Variants in PLCB1 observed in about 807,000 individuals in gnomAD.
PLCB1 encodes 1-phosphatidylinositol 4,5-bisphosphate phosphodiesterase beta-1.
In PLCB1, 46 loss-of-function variants were observed where a neutral mutation model predicts 161.8. That is an observed-to-expected ratio of 0.28 (90% CI 0.22 to 0.36). The LOEUF (loss-of-function observed/expected upper bound fraction) is 0.36, where lower values mean the gene tolerates loss of function less well. PLCB1 is among the 10% of genes least tolerant of loss of function. PLCB1 has a pLI of 1.00. For synonymous variants in PLCB1, 517 were observed against 503.7 expected (o/e 1.03, Z -0.35); for missense variants, 1,016 against 1,472.5 (o/e 0.69, Z 5.07).
At chr20:8,730,539 A>G (rs1006440267) in intron 18 of PLCB1, among the ~76,000 whole-genome samples, 2 of 151,708 alleles carry the variant, frequency 1.3e-5, no homozygotes, top group African/African-American at 4.8e-5. Flanking sequence ...CTCCTTTACT[A>G]CTATTAATTT....
intron 3 of PLCB1, among the ~76,000 whole-genome samples, chr20:8,427,130 C>T (rs572977401): frequency 1.3e-5 from 2 of 152,170 alleles, no homozygotes; most frequent in East Asian, 1.9e-4. Context: ...GGGCTGGTCT[C>T]GAACTGCTGA....
chr20:8,604,271 A>T (rs1987693279), intron 3 of PLCB1, among the ~76,000 whole-genome samples: 1 of 151,386 alleles, frequency 6.6e-6, no homozygotes, highest in Admixed American at 6.6e-5. Context: ...AAAAAAAAAA[A>T]AAAAAAAGGT....
chr20:8,193,345 T>C (rs2123112200), intron 2 of PLCB1, among the ~76,000 whole-genome samples: 1 of 151,444 alleles, frequency 6.6e-6, no homozygotes, highest in Non-Finnish European at 1.5e-5. Flanking sequence ...TATTTGAAAA[T>C]GGAAACTGGT....
intron 2 of PLCB1, among the ~76,000 whole-genome samples, chr20:8,157,647 A>AC (rs1305859881): frequency 6.6e-6 from 1 of 152,212 alleles, no homozygotes; most frequent in Non-Finnish European, 1.5e-5. Context: ...TTATGTAGAC[A>AC]CAACATACAA....
intron 2 of PLCB1, among the ~76,000 whole-genome samples, chr20:8,273,615 A>G (rs1027649545): frequency 2.0e-5 from 3 of 152,150 alleles, no homozygotes; most frequent in African/African-American, 7.2e-5. Context: ...GAACTGATAT[A>G]AAGAACTGCC....
chr20:8,663,183 A>G (rs1329833925), intron 9 of PLCB1, among the ~76,000 whole-genome samples: 1 of 151,750 alleles, frequency 6.6e-6, no homozygotes, highest in Non-Finnish European at 1.5e-5. Flanking sequence ...AAACATATAT[A>G]TAACATATAT....
intron 9 of PLCB1, among the ~76,000 whole-genome samples, chr20:8,666,591 G>A (rs928715018): frequency 1.3e-5 from 2 of 152,164 alleles, no homozygotes; most frequent in Admixed American, 6.5e-5. Flanking sequence ...ATTAGAAGAG[G>A]CAGTTTGCAG....
At chr20:8,231,582 T>C (rs1162990760) in intron 2 of PLCB1, among the ~76,000 whole-genome samples, 1 of 152,220 alleles carries the variant, frequency 6.6e-6, no homozygotes, top group Non-Finnish European at 1.5e-5. Context: ...TTAGGAAATC[T>C]GTTGTCAGCA....
chr20:8,646,765 C>T lies in PLCB1; in HGVS notation c.464+584C>T, dbSNP rs181883719. Reference sequence around the variant, plus strand: ...AATTGCCAGATCACTCTGGAATTGCCACAGCCCTTCTAAAAATTGTTTGAC... The same window carrying T: ...AATTGCCAGATCACTCTGGAATTGCTACAGCCCTTCTAAAAATTGTTTGAC... On this transcript the variant is annotated intron_variant, in intron 5 of 31. Coordinates refer to ENST00000338037, the MANE Select transcript of PLCB1 (RefSeq NM_015192.4). Among the ~76,000 whole-genome samples, 197 of 152,276 alleles carry T rather than the reference C, an allele frequency of 1.3e-3. 3 individuals are homozygous for T. Among genetic ancestry groups the T allele is most frequent in the Non-Finnish European group, 1.9e-4 (13 of 68,022 alleles).
intron 3 of PLCB1, among the ~76,000 whole-genome samples, chr20:8,490,352 A>G (rs1162904510): frequency 6.6e-6 from 1 of 152,220 alleles, no homozygotes; most frequent in African/African-American, 2.4e-5. Flanking sequence ...AGCAAGAAAT[A>G]AGTATTTGTT....
At chr20:8,178,284 G>C (rs112512551) in intron 2 of PLCB1, among the ~76,000 whole-genome samples, 1 of 152,104 alleles carries the variant, frequency 6.6e-6, no homozygotes, top group Non-Finnish European at 1.5e-5. Flanking sequence ...TTCCACAGTG[G>C]CTCTGAACTA....
intron 3 of PLCB1, among the ~76,000 whole-genome samples, chr20:8,622,334 T>G (rs1260741463): frequency 1.3e-5 from 2 of 152,204 alleles, no homozygotes; most frequent in Admixed American, 6.5e-5. Context: ...ACATGAAGAT[T>G]AATCAATATT....
chr20:8,391,159 A>G (rs1987573300), intron 3 of PLCB1, among the ~76,000 whole-genome samples: 1 of 152,066 alleles, frequency 6.6e-6, no homozygotes, highest in Non-Finnish European at 1.5e-5. Flanking sequence ...ATATTTATAT[A>G]TATAGATTGT....
At chr20:8,664,577 A>T (rs1378090076) in intron 9 of PLCB1, among the ~76,000 whole-genome samples, 1 of 152,152 alleles carries the variant, frequency 6.6e-6, no homozygotes, top group East Asian at 1.9e-4. Flanking sequence ...GGGAAACTTG[A>T]AAACTGTAGT....
intron 9 of PLCB1, among the ~76,000 whole-genome samples, chr20:8,666,611 T>C (rs1989818251): frequency 6.6e-6 from 1 of 152,204 alleles, no homozygotes; most frequent in Admixed American, 6.5e-5. Flanking sequence ...GAAATGGCAA[T>C]GTTGGGACCA....
At chr20:8,359,744 G>A (rs1021128760) in intron 2 of PLCB1, among the ~76,000 whole-genome samples, 9 of 152,064 alleles carry the variant, frequency 5.9e-5, no homozygotes, top group African/African-American at 1.9e-4. Context: ...CCCTAGTCTC[G>A]AATGCTCATA....
chr20:8,199,093 G>A (rs1364038175), intron 2 of PLCB1, among the ~76,000 whole-genome samples: 1 of 152,054 alleles, frequency 6.6e-6, no homozygotes, highest in Non-Finnish European at 1.5e-5. Flanking sequence ...AAAAGTGTGT[G>A]TGTGTGTATA....
intron 31 of PLCB1, among the ~76,000 whole-genome samples, chr20:8,819,267 A>G (rs1024356924): frequency 2.0e-5 from 3 of 152,182 alleles, no homozygotes; most frequent in African/African-American, 7.2e-5. Context: ...CATGTGGAGA[A>G]ACTCAGGCTT....
chr20:8,739,152 A>G, intron 20 of PLCB1, 109 bp from the exon 21 acceptor site: 1 of 771,142 alleles, frequency 1.3e-6, no homozygotes, highest in African/African-American at 1.7e-5. Context: ...CTCTATCTCA[A>G]AAAAAGAAAG....
Sources: allele counts gnomAD v4.1 joint callset (sites outside exome capture counted in the v4.1 genomes callset), GRCh38; gene constraint gnomAD v4.1.1; transcripts MANE v1.5; gene names NCBI Gene and HGNC (gene_info 2026-07-23, HGNC 2026-07-21).